Variants in AGBL4 observed in about 807,000 individuals in gnomAD.
AGBL4 encodes the protein AGBL carboxypeptidase 4, also known as cytosolic carboxypeptidase 6.
Under a neutral mutation model 66.4 loss-of-function variants are expected in AGBL4, and 58 were observed. That is an observed-to-expected ratio of 0.87 (90% CI 0.71 to 1.09). The LOEUF (loss-of-function observed/expected upper bound fraction) is 1.09. AGBL4 is among the 50% of genes least tolerant of loss of function. The pLI is 0.00. For synonymous variants in AGBL4, 234 were observed against 222.9 expected (o/e 1.05, Z -0.44); for missense variants, 579 against 631.0 (o/e 0.92, Z 0.88).
intron 6 of AGBL4, among the ~76,000 whole-genome samples, chr1:48,709,801 A>C (rs968362663): frequency 6.6e-6 from 1 of 151,862 alleles, no homozygotes; most frequent in African/African-American, 2.4e-5. Flanking sequence ...ACGGGGTTTC[A>C]CCGTGTTAGC....
chr1:49,098,251 A>T (rs1292640269), intron 4 of AGBL4, among the ~76,000 whole-genome samples: 1 of 152,258 alleles, frequency 6.6e-6, no homozygotes, highest in Non-Finnish European at 1.5e-5. Flanking sequence ...CTGGCCTGTA[A>T]AGAAAATTGG....
chr1:49,583,681 A>C (rs1228340846), intron 3 of AGBL4, among the ~76,000 whole-genome samples: 1 of 152,178 alleles, frequency 6.6e-6, no homozygotes, highest in Non-Finnish European at 1.5e-5. Context: ...TATGGAAAAC[A>C]GCGACACATT....
rs532472976 is a variant in AGBL4 at position 49,317,577 on chromosome 1, T to A, written c.283-71713A>T. Among the ~76,000 whole-genome samples the A allele has an allele frequency of 1.7e-4, 26 of 152,018 alleles. 1 individual carries two copies. The South Asian group carries it at 5.0e-3, about 29-fold the overall frequency. ...TAGGAAATAGGCTTAGAGATCCCCATAATTATACAATGAAACAATCACTAG... is the reference window on the plus strand; with the variant it reads ...TAGGAAATAGGCTTAGAGATCCCCAAAATTATACAATGAAACAATCACTAG... On this transcript the variant is annotated intron_variant, in intron 3 of 13. Transcript: ENST00000371839.
At chr1:48,834,547 T>C (rs1447458837) in intron 6 of AGBL4, among the ~76,000 whole-genome samples, 2 of 152,020 alleles carry the variant, frequency 1.3e-5, no homozygotes, top group African/African-American at 4.8e-5. Flanking sequence ...ATTAATGTCT[T>C]TATAAGAAGA....
chr1:48,570,126 T>C (rs542008591), intron 11 of AGBL4, among the ~76,000 whole-genome samples: 1 of 152,366 alleles, frequency 6.6e-6, no homozygotes, highest in East Asian at 1.9e-4. Flanking sequence ...GAATTAGTCA[T>C]GCACATGTGA....
intron 6 of AGBL4, among the ~76,000 whole-genome samples, chr1:48,778,116 G>T (rs1645182434): frequency 6.6e-6 from 1 of 151,770 alleles, no homozygotes; most frequent in Non-Finnish European, 1.5e-5. Context: ...TTTGGGTAAA[G>T]AAGAATAAAT....
chr1:48,943,406 G>C (rs1656182818), intron 5 of AGBL4, among the ~76,000 whole-genome samples: 1 of 152,154 alleles, frequency 6.6e-6, no homozygotes, highest in African/African-American at 2.4e-5. Flanking sequence ...TAAAAATGGT[G>C]GGTACATACA....
intron 7 of AGBL4, among the ~76,000 whole-genome samples, chr1:48,657,736 C>T (rs921439289): frequency 4.6e-5 from 7 of 152,226 alleles, no homozygotes; most frequent in African/African-American, 1.7e-4. Flanking sequence ...GAACTCTTTG[C>T]TGAAAGCACC....
At chr1:49,034,819 G>A (rs1664510538) in intron 5 of AGBL4, among the ~76,000 whole-genome samples, 1 of 152,010 alleles carries the variant, frequency 6.6e-6, no homozygotes, top group African/African-American at 2.4e-5. Flanking sequence ...TGAAGTGTGA[G>A]TCAATTAAAC....
intron 3 of AGBL4, among the ~76,000 whole-genome samples, chr1:49,525,761 A>C (rs1468807628): frequency 6.6e-6 from 1 of 151,938 alleles, no homozygotes; most frequent in Non-Finnish European, 1.5e-5. Context: ...GTGAGGAGAC[A>C]CTCCACAGAA....
At chr1:48,797,979 C>T (rs1645728667) in intron 6 of AGBL4, among the ~76,000 whole-genome samples, 2 of 152,146 alleles carry the variant, frequency 1.3e-5, no homozygotes, top group Admixed American at 6.5e-5. Flanking sequence ...TTCTTTTTCT[C>T]TGGGTAAGAT....
At chr1:49,282,713 C>A (rs546350494) in intron 3 of AGBL4, among the ~76,000 whole-genome samples, 5 of 152,180 alleles carry the variant, frequency 3.3e-5, no homozygotes, top group Non-Finnish European at 7.3e-5. Context: ...ACTTGGGAAG[C>A]GCAAGGGGTC....
intron 3 of AGBL4, among the ~76,000 whole-genome samples, chr1:49,433,259 G>C (rs535993092): frequency 1.3e-5 from 2 of 152,260 alleles, no homozygotes; most frequent in African/African-American, 4.8e-5. Flanking sequence ...CCAATTTGTA[G>C]CCAATCAGAA....
chr1:49,590,380 G>C (rs1192017806), intron 3 of AGBL4, among the ~76,000 whole-genome samples: 1 of 149,172 alleles, frequency 6.7e-6, no homozygotes, highest in Non-Finnish European at 1.5e-5. Flanking sequence ...CTATGAAAAA[G>C]AATTTGTACA....
At chr1:49,948,030 A>G (rs1655496254) in intron 1 of AGBL4, among the ~76,000 whole-genome samples, 1 of 28,134 alleles carries the variant, frequency 3.6e-5, no homozygotes, top group East Asian at 6.1e-4. Context: ...ATATATAAAT[A>G]TATATACATA....
At chr1:48,727,967 C>T (rs1290749772) in intron 6 of AGBL4, 5 of 1,611,966 alleles carry the variant, frequency 3.1e-6, no homozygotes, top group South Asian at 1.1e-5. Flanking sequence ...CACAGATGTA[C>T]TTGTTGACTT....
chr1:49,599,977 A>G (rs919592135), intron 3 of AGBL4, among the ~76,000 whole-genome samples: 1 of 152,100 alleles, frequency 6.6e-6, no homozygotes, highest in East Asian at 1.9e-4. Context: ...CTGAGAGACG[A>G]TTGGTTATGA....
intron 3 of AGBL4, among the ~76,000 whole-genome samples, chr1:49,581,683 A>T (rs1338474860): frequency 1.3e-5 from 2 of 152,068 alleles, no homozygotes; most frequent in African/African-American, 4.8e-5. Flanking sequence ...GTTGTGCTGG[A>T]TATTTGAATG....
intron 5 of AGBL4, among the ~76,000 whole-genome samples, chr1:48,983,188 A>T (rs1331029393): frequency 6.6e-6 from 1 of 152,172 alleles, no homozygotes; most frequent in Non-Finnish European, 1.5e-5. Context: ...AAAGCCAAGA[A>T]CATTCTAATA....
Sources: gnomAD v4.1 joint callset for allele counts (sites outside exome capture counted in the v4.1 genomes callset) on GRCh38, gnomAD v4.1.1 for gene constraint, MANE v1.5 for transcripts, NCBI Gene and HGNC (gene_info 2026-07-23, HGNC 2026-07-21) for gene names.